UPP2: variants seen among roughly 807,000 people sequenced by gnomAD.
The protein encoded by UPP2 is UPase 2.
A neutral mutation model predicts 26.7 loss-of-function variants in UPP2; 23 were observed. That is an observed-to-expected ratio of 0.86 (90% CI 0.62 to 1.22). The LOEUF is 1.22. UPP2 is among the 50% of genes most tolerant of loss of function. The probability of loss-of-function intolerance (pLI) is 0.00; values close to 1 mark genes in which losing one functional copy is unlikely to be tolerated. For missense variants in UPP2, 387 were observed against 396.7 expected (o/e 0.98, Z 0.21); for synonymous variants, 127 against 141.3 (o/e 0.90, Z 0.72).
intron 3 of UPP2, among the ~76,000 whole-genome samples, chr2:158,086,010 G>A (rs749572527): frequency 3.3e-5 from 5 of 152,014 alleles, no homozygotes; most frequent in Non-Finnish European, 7.4e-5. Flanking sequence ...GGTGATACTG[G>A]CTTCATTGAA....
At position 158,123,820 on chromosome 2, in the gene UPP2, T is replaced by C; in HGVS notation, c.736T>C (p.Phe246Leu). 8 of 1,614,084 alleles carry C rather than the reference T, an allele frequency of 5.0e-6. No homozygotes were observed. Among genetic ancestry groups the C allele is most frequent in the Non-Finnish European group, 6.8e-6 (8 of 1,179,942 alleles). ...EKKLDYLKRAFKAGVRNIEME... is the reference protein window; with the variant it reads ...EKKLDYLKRALKAGVRNIEME... ...AAAGTTAGACTACTTGAAGAGAGCA[T>C]TTAAAGCTGGTGTCAGGAATATTGA... Residue 246 changes from phenylalanine (F) to leucine (L), a missense_variant, in exon 6 of 7, where the codon TTT becomes CTT. Transcript: ENST00000005756.
intron 2 of UPP2, among the ~76,000 whole-genome samples, chr2:158,108,499 C>T (rs1683241226): frequency 6.6e-6 from 1 of 152,074 alleles, no homozygotes; most frequent in Admixed American, 6.6e-5. Flanking sequence ...CTTTTTAGTA[C>T]TCCAAGTATT....
At chr2:158,019,639 A>AACACACACACACAC (rs57149695) in intron 3 of UPP2, among the ~76,000 whole-genome samples, 1 of 141,094 alleles carries the variant, frequency 7.1e-6, no homozygotes, top group East Asian at 2.1e-4. Context: ...AATCCTTTAA[A>AACACACACACACAC]ACACACACAC....
At chr2:158,026,499 A>G (rs1463845048) in intron 3 of UPP2, among the ~76,000 whole-genome samples, 1 of 152,148 alleles carries the variant, frequency 6.6e-6, no homozygotes, top group African/African-American at 2.4e-5. Flanking sequence ...CTCTAGGACT[A>G]TATCTCATGG....
chr2:158,117,775 C>T (rs528149317), intron 3 of UPP2, 49 bp from the exon 4 acceptor site: 1 of 1,356,196 alleles, frequency 7.4e-7, no homozygotes, highest in South Asian at 1.2e-5. Flanking sequence ...ATGTCCTGTT[C>T]ATGTATCACT....
At chr2:158,010,539 C>T (rs1365479941) in intron 2 of UPP2, among the ~76,000 whole-genome samples, 1 of 152,132 alleles carries the variant, frequency 6.6e-6, no homozygotes, top group Non-Finnish European at 1.5e-5. Flanking sequence ...AAGTGGAATC[C>T]TCCCTTTTAC....
chr2:158,091,627 C>T (rs1436305297), intron 3 of UPP2, among the ~76,000 whole-genome samples: 1 of 152,184 alleles, frequency 6.6e-6, no homozygotes, highest in African/African-American at 2.4e-5. Context: ...TGCCTGGGGT[C>T]AGCTGGGCTG....
intron 3 of UPP2, among the ~76,000 whole-genome samples, chr2:158,091,254 T>C (rs963837816): frequency 9.2e-5 from 14 of 152,106 alleles, no homozygotes; most frequent in Non-Finnish European, 2.1e-4. Context: ...CATGGTAAAA[T>C]AGATATGGAC....
intron 2 of UPP2, among the ~76,000 whole-genome samples, chr2:158,013,804 A>G (rs896715387): frequency 6.6e-6 from 1 of 152,256 alleles, no homozygotes; most frequent in Non-Finnish European, 1.5e-5. Flanking sequence ...GCACATGCAG[A>G]TGAAGGAAAG....
intron 3 of UPP2, among the ~76,000 whole-genome samples, chr2:158,116,494 A>G (rs1204813602): frequency 6.6e-6 from 1 of 152,224 alleles, no homozygotes; most frequent in East Asian, 1.9e-4. Context: ...GTGTGATGCC[A>G]AGGTTACCAA....
chr2:158,077,675 T>C (rs938019902), intron 3 of UPP2, among the ~76,000 whole-genome samples: 2 of 152,086 alleles, frequency 1.3e-5, no homozygotes, highest in Admixed American at 1.3e-4. Context: ...GACCTAAAAC[T>C]ATAAAACTGC....
intron 3 of UPP2, among the ~76,000 whole-genome samples, chr2:158,055,517 C>T (rs188951199): frequency 3.4e-4 from 52 of 152,234 alleles, no homozygotes; most frequent in Middle Eastern, 6.8e-3. Context: ...GCATAATGTC[C>T]TCAAGGATAT....
intron 3 of UPP2, among the ~76,000 whole-genome samples, chr2:158,016,430 T>C (rs1434575463): frequency 6.6e-6 from 1 of 152,072 alleles, no homozygotes; most frequent in African/African-American, 2.4e-5. Context: ...AACCTCCACC[T>C]CCTGGGTTCA....
At chr2:158,071,419 C>A (rs1682537762) in intron 3 of UPP2, among the ~76,000 whole-genome samples, 1 of 151,936 alleles carries the variant, frequency 6.6e-6, no homozygotes, top group African/African-American at 2.4e-5. Context: ...GGCATGGTGG[C>A]ACATGCCTGT....
chr2:158,030,796 C>A (rs566399096), intron 3 of UPP2, among the ~76,000 whole-genome samples: 2 of 152,280 alleles, frequency 1.3e-5, no homozygotes, highest in African/African-American at 4.8e-5. Context: ...CAGTCATAGA[C>A]CCAAGACCTA....
chr2:157,997,250 T>A (rs76911748), intron 2 of UPP2, among the ~76,000 whole-genome samples: 6,362 of 152,276 alleles, frequency 0.042, 207 homozygotes, highest in East Asian at 0.19. Flanking sequence ...CCTCCTATTT[T>A]TTTTTATTTT....
chr2:158,042,114 C>A (rs1684089765), intron 3 of UPP2, among the ~76,000 whole-genome samples: 1 of 152,258 alleles, frequency 6.6e-6, no homozygotes, highest in African/African-American at 2.4e-5. Flanking sequence ...AGGTCCAGGA[C>A]CATTTTGAAG....
chr2:158,070,910 C>T (rs1282449374), intron 3 of UPP2, among the ~76,000 whole-genome samples: 1 of 152,134 alleles, frequency 6.6e-6, no homozygotes, highest in Non-Finnish European at 1.5e-5. Flanking sequence ...GAACTCAGTG[C>T]TGTTCTGCCA....
chr2:158,066,627 A>C (rs1682439664), intron 3 of UPP2, among the ~76,000 whole-genome samples: 1 of 72,942 alleles, frequency 1.4e-5, no homozygotes, highest in African/African-American at 5.6e-5. Flanking sequence ...TTAACCATTG[A>C]TTCTTTTTTT....
Sources: allele counts gnomAD v4.1 joint callset (sites outside exome capture counted in the v4.1 genomes callset), GRCh38; gene constraint gnomAD v4.1.1; transcripts MANE v1.5; gene names NCBI Gene and HGNC (gene_info 2026-07-23, HGNC 2026-07-21).